Variants in CADM2 observed in about 807,000 individuals in gnomAD.
CADM2 encodes cell adhesion molecule 2, also known as immunoglobulin superfamily member 4D.
In CADM2, 12 loss-of-function variants were observed where a neutral mutation model predicts 49.8. That is an observed-to-expected ratio of 0.24 (90% CI 0.15 to 0.39). The LOEUF (loss-of-function observed/expected upper bound fraction) is 0.39. Among genes scored for constraint, CADM2 ranks in the 10% least tolerant of loss-of-function variants. CADM2 has a pLI of 1.00. For synonymous variants in CADM2, 214 were observed against 175.4 expected (o/e 1.22, Z -1.74); for missense variants, 378 against 492.3 (o/e 0.77, Z 2.20).
intron 8 of CADM2, among the ~76,000 whole-genome samples, chr3:85,987,710 T>G (rs1477104306): frequency 6.8e-6 from 1 of 146,266 alleles, no homozygotes; most frequent in Non-Finnish European, 1.5e-5. Context: ...AAATAATATA[T>G]AAATAATTAA....
intron 1 of CADM2, among the ~76,000 whole-genome samples, chr3:85,543,427 T>TGGGGGTGTGTGTGTGTGG (rs1553739554): frequency 6.4e-4 from 34 of 53,374 alleles, no homozygotes; most frequent in African/African-American, 1.2e-3. Flanking sequence ...CTAATGTGTG[T>TGGGGGTGTGTGTGTGTGG]GTGTGTGTGT....
chr3:85,212,030 G>C (rs2041791651), intron 1 of CADM2, among the ~76,000 whole-genome samples: 1 of 151,982 alleles, frequency 6.6e-6, no homozygotes, highest in Admixed American at 6.6e-5. Context: ...ACTACATAAT[G>C]ACCTTCTTTG....
intron 1 of CADM2, among the ~76,000 whole-genome samples, chr3:85,712,454 G>C (rs2067145878): frequency 6.6e-6 from 1 of 152,118 alleles, no homozygotes. Context: ...TTTTTCTCAA[G>C]TGATCTTTTA....
chr3:85,898,449 G>C (rs913537687), intron 5 of CADM2, among the ~76,000 whole-genome samples: 1 of 151,814 alleles, frequency 6.6e-6, no homozygotes, highest in East Asian at 1.9e-4. Context: ...CCTTCCCTTT[G>C]CCTTCTCTGC....
At chr3:85,602,962 C>T (rs531322334) in intron 1 of CADM2, among the ~76,000 whole-genome samples, 1 of 151,724 alleles carries the variant, frequency 6.6e-6, no homozygotes, top group South Asian at 2.1e-4. Flanking sequence ...GGTGGTTTTT[C>T]TATGTTAGTA....
At chr3:85,905,996 A>G (rs1476715006) in intron 5 of CADM2, among the ~76,000 whole-genome samples, 1 of 152,172 alleles carries the variant, frequency 6.6e-6, no homozygotes, top group African/African-American at 2.4e-5. Flanking sequence ...GGACTCCATG[A>G]AACAAATAGT....
intron 1 of CADM2, among the ~76,000 whole-genome samples, chr3:85,083,108 A>G (rs1031623501): frequency 6.6e-6 from 1 of 152,102 alleles, no homozygotes; most frequent in South Asian, 2.1e-4. Context: ...TGTATTATAT[A>G]CATAGTATAT....
At chr3:85,232,866 A>G (rs1481958606) in intron 1 of CADM2, among the ~76,000 whole-genome samples, 2 of 152,210 alleles carry the variant, frequency 1.3e-5, no homozygotes, top group African/African-American at 4.8e-5. Context: ...TAGGTTTAGT[A>G]TATAATTGGA....
chr3:85,855,618 A>T (rs1384941093), intron 3 of CADM2, among the ~76,000 whole-genome samples: 23 of 36,772 alleles, frequency 6.3e-4, no homozygotes, highest in Non-Finnish European at 2.2e-4. Flanking sequence ...TATATATATA[A>T]AACATATATA....
At chr3:85,830,993 C>T (rs967527382) in intron 3 of CADM2, among the ~76,000 whole-genome samples, 6 of 151,700 alleles carry the variant, frequency 4.0e-5, no homozygotes, top group African/African-American at 1.5e-4. Context: ...TCCCTGCAAC[C>T]CTCCCACTTC....
intron 1 of CADM2, among the ~76,000 whole-genome samples, chr3:85,264,702 T>C (rs1250139567): frequency 6.6e-6 from 1 of 152,100 alleles, no homozygotes; most frequent in Middle Eastern, 3.2e-3. Flanking sequence ...CAAACAGATA[T>C]AATAATCATA....
chr3:85,344,445 A>G (rs2030349655), intron 1 of CADM2, among the ~76,000 whole-genome samples: 1 of 151,588 alleles, frequency 6.6e-6, no homozygotes. Flanking sequence ...TAGTCAAACA[A>G]ACCAAAGCAG....
intron 1 of CADM2, among the ~76,000 whole-genome samples, chr3:85,478,093 A>G (rs1195361247): frequency 6.6e-6 from 1 of 151,930 alleles, no homozygotes; most frequent in East Asian, 1.9e-4. Flanking sequence ...CTTTTAGTTT[A>G]GAATCATTTC....
chr3:85,461,569 G>A (rs2038246859), intron 1 of CADM2, among the ~76,000 whole-genome samples: 1 of 152,156 alleles, frequency 6.6e-6, no homozygotes, highest in South Asian at 2.1e-4. Context: ...TTTCTGGTTT[G>A]AGAATATTTC....
chr3:85,144,584 C>T (rs1488640781), intron 1 of CADM2, among the ~76,000 whole-genome samples: 1 of 144,962 alleles, frequency 6.9e-6, no homozygotes, highest in African/African-American at 2.6e-5. Flanking sequence ...TGCACTCCTG[C>T]CTGGGTGACA....
At chr3:85,257,184 C>T (rs1276024908) in intron 1 of CADM2, among the ~76,000 whole-genome samples, 1 of 151,992 alleles carries the variant, frequency 6.6e-6, no homozygotes, top group Non-Finnish European at 1.5e-5. Flanking sequence ...TCTTAACCAC[C>T]CTGTTATTTT....
chr3:85,446,596 T>G (rs1219041168), intron 1 of CADM2, among the ~76,000 whole-genome samples: 1 of 116,348 alleles, frequency 8.6e-6, no homozygotes, highest in Admixed American at 9.9e-5. Context: ...GAGTTTTTTT[T>G]GTTTTTTGTT....
intron 8 of CADM2, among the ~76,000 whole-genome samples, chr3:86,028,577 T>C (rs1413590279): frequency 6.6e-6 from 1 of 152,220 alleles, no homozygotes; most frequent in Non-Finnish European, 1.5e-5. Context: ...ATCTTCTCTT[T>C]GAAGCCAGAG....
chr3:85,567,733 A>C (rs2062309638), intron 1 of CADM2, among the ~76,000 whole-genome samples: 1 of 152,212 alleles, frequency 6.6e-6, no homozygotes, highest in East Asian at 1.9e-4. Flanking sequence ...AAGAAGTCCC[A>C]TGACAGTCCA....
Sources: gnomAD v4.1 joint callset for allele counts (sites outside exome capture counted in the v4.1 genomes callset) on GRCh38, gnomAD v4.1.1 for gene constraint, MANE v1.5 for transcripts, NCBI Gene and HGNC (gene_info 2026-07-23, HGNC 2026-07-21) for gene names.